FMNL2: variants seen among roughly 807,000 people sequenced by gnomAD.
FMNL2 encodes formin-like protein 2.
Under a neutral mutation model 130.2 loss-of-function variants are expected in FMNL2, and 51 were observed. That is an observed-to-expected ratio of 0.39 (90% confidence interval 0.31 to 0.49). FMNL2 has a LOEUF of 0.49. Ranked by LOEUF, FMNL2 falls within the 20% of genes least tolerant of loss-of-function variation. FMNL2 has a pLI of 0.85. For missense variants in FMNL2, 977 were observed against 1,316.2 expected (o/e 0.74, Z 3.99); for synonymous variants, 465 against 467.1 (o/e 1.00, Z 0.06).
chr2:152,521,884 C>A, intron 1 of FMNL2, 59 bp from the exon 2 acceptor site: 1 of 1,377,984 alleles, frequency 7.3e-7, no homozygotes, highest in Non-Finnish European at 1.0e-6. Flanking sequence ...TGCAAGTTAC[C>A]AATTTGGAAG....
In FMNL2 at chr2:152,544,671, C is replaced by T. The variant is rs138184839; in HGVS notation, c.282+1852C>T. Among the ~76,000 whole-genome samples the T allele has an allele frequency of 3.2e-4, 48 of 152,258 alleles. 1 individual carries two copies. The highest frequency in any genetic ancestry group is 9.4e-4 in the African/African-American group (39 of 41,546). ...TATACAGAAGACTGAGACCTTTCCT[C>T]ATGCAGAATTCATCCTACCTCCAAA... On this transcript the variant is annotated intron_variant, in intron 3 of 25. Transcript: ENST00000288670.
rs548812680 is a variant in FMNL2 at position 152,389,514 on chromosome 2, A to G, written c.117+53794A>G. Among the ~76,000 whole-genome samples the G allele has an allele frequency of 2.2e-4, 33 of 152,330 alleles. 1 individual carries two copies. The highest frequency in any genetic ancestry group is 3.4e-3 in the Middle Eastern group (1 of 294). On this transcript the variant is annotated intron_variant, in intron 1 of 25. Transcript: ENST00000288670. ...CATTCAGTTTATGGCAGTGGGAGAT[A>G]CTTTGTCTTCAGATAATTAGATCTT...
At chr2:152,437,357 A>G (rs1423521651) in intron 1 of FMNL2, among the ~76,000 whole-genome samples, 1 of 152,316 alleles carries the variant, frequency 6.6e-6, no homozygotes, top group Non-Finnish European at 1.5e-5. Context: ...ACCACTGGCC[A>G]TGCCTGTTTG....
chr2:152,390,543 C>T, intron 1 of FMNL2: 2 of 1,518,774 alleles, frequency 1.3e-6, no homozygotes, highest in Non-Finnish European at 1.8e-6. Flanking sequence ...CATGGGGCTG[C>T]CAATCTCAGA....
chr2:152,499,678 G>A (rs1158993895), intron 1 of FMNL2, among the ~76,000 whole-genome samples: 1 of 152,198 alleles, frequency 6.6e-6, no homozygotes, highest in Non-Finnish European at 1.5e-5. Context: ...GCTTGTGTGT[G>A]AATAGGTTTC....
intron 1 of FMNL2, among the ~76,000 whole-genome samples, chr2:152,347,161 C>T (rs896641664): frequency 7.9e-5 from 12 of 152,100 alleles, no homozygotes; most frequent in Non-Finnish European, 1.6e-4. Flanking sequence ...AATCAGAATC[C>T]CTCCCTCCCT....
At chr2:152,620,225 T>C (rs1173023817) in intron 15 of FMNL2, among the ~76,000 whole-genome samples, 1 of 152,078 alleles carries the variant, frequency 6.6e-6, no homozygotes, top group African/African-American at 2.4e-5. Flanking sequence ...TTCGAGAACA[T>C]CAGAATTTGC....
chr2:152,348,724 G>A (rs1481943518), intron 1 of FMNL2, among the ~76,000 whole-genome samples: 2 of 151,488 alleles, frequency 1.3e-5, no homozygotes, highest in East Asian at 3.9e-4. Flanking sequence ...TTGTTGGAGT[G>A]AGGTAAGTTT....
intron 1 of FMNL2, among the ~76,000 whole-genome samples, chr2:152,501,418 A>G (rs1396398704): frequency 1.3e-5 from 2 of 152,246 alleles, no homozygotes; most frequent in East Asian, 1.9e-4. Context: ...ACTTAAAAGC[A>G]TAATTCTTTA....
chr2:152,589,338 A>C (rs1469166839), intron 9 of FMNL2, among the ~76,000 whole-genome samples: 1 of 152,132 alleles, frequency 6.6e-6, no homozygotes, highest in East Asian at 1.9e-4. Context: ...AACAAAAAAA[A>C]ACCCAGGGTG....
At chr2:152,395,641 A>G (rs1685351041) in intron 1 of FMNL2, among the ~76,000 whole-genome samples, 1 of 152,240 alleles carries the variant, frequency 6.6e-6, no homozygotes, top group African/African-American at 2.4e-5. Flanking sequence ...CCCACCCAAT[A>G]TGAATTTGGA....
chr2:152,570,564 T>C (rs1166224030), intron 6 of FMNL2, among the ~76,000 whole-genome samples: 1 of 152,216 alleles, frequency 6.6e-6, no homozygotes, highest in African/African-American at 2.4e-5. Flanking sequence ...GAAGAAAGGC[T>C]ATCAGCATGG....
intron 3 of FMNL2, among the ~76,000 whole-genome samples, chr2:152,548,756 G>T (rs1694782490): frequency 6.6e-6 from 1 of 152,112 alleles, no homozygotes; most frequent in Non-Finnish European, 1.5e-5. Context: ...AGGAATATTG[G>T]TGAATACTGT....
chr2:152,462,383 C>T (rs1440371932), intron 1 of FMNL2, among the ~76,000 whole-genome samples: 1 of 152,104 alleles, frequency 6.6e-6, no homozygotes, highest in Admixed American at 6.5e-5. Flanking sequence ...CATTACTGCA[C>T]ACTGGAATTA....
Position 152,335,647 on chromosome 2 carries a change from G to T in FMNL2, c.44G>T (p.Arg15Met). Reference sequence around the variant, plus strand: ...ATGGATTCGCAGCAGACCGATTTCAGGGCGCACAACGTGCCTTTGAAGCTG... The same window carrying T: ...ATGGATTCGCAGCAGACCGATTTCATGGCGCACAACGTGCCTTTGAAGCTG... ...GSMDSQQTDF[R>M]AHNVPLKLPM... The change falls in exon 1 of 26, where the codon AGG becomes ATG. Residue 15 changes from arginine (R) to methionine (M), a missense_variant. Coordinates refer to ENST00000288670, the MANE Select transcript of FMNL2 (RefSeq NM_052905.4). 1 of 1,594,074 alleles carries T rather than the reference G, an allele frequency of 6.3e-7. No homozygotes were observed. Among genetic ancestry groups the T allele is most frequent in the South Asian group, 1.1e-5 (1 of 89,936 alleles).
intron 1 of FMNL2, among the ~76,000 whole-genome samples, chr2:152,397,914 A>G (rs1452662288): frequency 6.6e-6 from 1 of 152,208 alleles, no homozygotes; most frequent in African/African-American, 2.4e-5. Context: ...ACCTGAGGTC[A>G]GGAGTTCAAG....
rs79705932 is a variant in FMNL2 at position 152,446,842 on chromosome 2, G to A, written c.118-75101G>A. On this transcript the variant is annotated intron_variant, in intron 1 of 25. Transcript: ENST00000288670. The stretch of plus-strand genomic sequence containing the variant: ...TATAGATATCTCTTCTTAACAGTTC[G>A]CAACACAACTGGTGCTCACTGTGAT... Among the ~76,000 whole-genome samples the A allele has an allele frequency of 3.5e-3, 536 of 152,188 alleles. 1 individual carries two copies. Among genetic ancestry groups the A allele is most frequent in the African/African-American group, 0.012 (503 of 41,542 alleles).
chr2:152,600,658 C>T (rs1698001074), intron 9 of FMNL2, among the ~76,000 whole-genome samples: 1 of 152,144 alleles, frequency 6.6e-6, no homozygotes, highest in African/African-American at 2.4e-5. Context: ...CCTCCAGGGT[C>T]CCAGATTGAT....
chr2:152,640,867 G>A lies in FMNL2; in HGVS notation c.3122G>A (p.Arg1041Lys). 1 of 1,613,856 alleles carries A rather than the reference G, an allele frequency of 6.2e-7. No homozygotes were observed. Among genetic ancestry groups the A allele is most frequent in the Non-Finnish European group, 8.5e-7 (1 of 1,179,824 alleles). The part of the protein sequence containing the change: ...ELRRRQVKDN[R>K]HVYEGKDGAI... ...AGAAGACGACAAGTTAAAGATAACAGACATGTATATGAGGGAAAAGATGGT... is the reference window on the plus strand; with the variant it reads ...AGAAGACGACAAGTTAAAGATAACAAACATGTATATGAGGGAAAAGATGGT... Residue 1041 changes from arginine (R) to lysine (K), a missense_variant, in exon 25 of 26, where the codon AGA becomes AAA. By Grantham distance (26) the Arg-to-Lys change is conservative. Transcript: ENST00000288670.
Sources: gnomAD v4.1 joint callset for allele counts (sites outside exome capture counted in the v4.1 genomes callset) on GRCh38, gnomAD v4.1.1 for gene constraint, MANE v1.5 for transcripts, NCBI Gene and HGNC (gene_info 2026-07-23, HGNC 2026-07-21) for gene names.